Variants in DOCK10 observed in about 807,000 individuals in gnomAD.
DOCK10 encodes dedicator of cytokinesis 10.
DOCK10 carries 145 observed loss-of-function variants against 280.1 expected under a neutral mutation model. The ratio of observed to expected loss-of-function variants is 0.52; its 90% CI spans 0.45 to 0.59. DOCK10 has a LOEUF of 0.59. Among genes scored for constraint, DOCK10 ranks in the 20% least tolerant of loss-of-function variants. The pLI is 0.00. For synonymous variants in DOCK10, 915 were observed against 942.2 expected (o/e 0.97, Z 0.53); for missense variants, 2,368 against 2,651.7 (o/e 0.89, Z 2.35).
chr2:224,958,758 T>C (rs896304454), intron 1 of DOCK10, among the ~76,000 whole-genome samples: 5 of 152,202 alleles, frequency 3.3e-5, no homozygotes, highest in African/African-American at 1.2e-4. Flanking sequence ...CAGTATCCTC[T>C]TTATGTTTCA....
At chr2:224,923,729 C>T (rs1260044995) in intron 2 of DOCK10, among the ~76,000 whole-genome samples, 1 of 152,260 alleles carries the variant, frequency 6.6e-6, no homozygotes, top group Non-Finnish European at 1.5e-5. Context: ...GCCCATGCTC[C>T]TCTGCCTCTC....
intron 1 of DOCK10, among the ~76,000 whole-genome samples, chr2:224,995,881 A>C (rs1278586663): frequency 6.6e-6 from 1 of 152,196 alleles, no homozygotes; most frequent in East Asian, 1.9e-4. Flanking sequence ...GATACTATGG[A>C]TATCCAAACT....
At chr2:224,957,628 A>G (rs1275705373) in intron 1 of DOCK10, among the ~76,000 whole-genome samples, 4 of 152,176 alleles carry the variant, frequency 2.6e-5, no homozygotes, top group Non-Finnish European at 5.9e-5. Flanking sequence ...ATCTCCTGGC[A>G]GATGGTGGAG....
At chr2:224,909,773 C>T (rs1700895925) in intron 3 of DOCK10, among the ~76,000 whole-genome samples, 1 of 35,694 alleles carries the variant, frequency 2.8e-5, no homozygotes. Context: ...CAACTGTGTA[C>T]TCAACTAGAG....
At chr2:225,007,337 T>C (rs573282848) in intron 1 of DOCK10, among the ~76,000 whole-genome samples, 2 of 152,276 alleles carry the variant, frequency 1.3e-5, no homozygotes, top group South Asian at 4.1e-4. Flanking sequence ...TTAAATTAGA[T>C]GCATGCATAA....
chr2:224,851,453 T>TA (rs1258315711), intron 18 of DOCK10, among the ~76,000 whole-genome samples: 1 of 142,970 alleles, frequency 7.0e-6, no homozygotes, highest in Non-Finnish European at 1.5e-5. Context: ...CCTTCTTTTT[T>TA]TTTTTAAAAA....
intron 48 of DOCK10, among the ~76,000 whole-genome samples, chr2:224,788,211 T>C (rs1691874488): frequency 6.6e-6 from 1 of 152,186 alleles, no homozygotes; most frequent in Non-Finnish European, 1.5e-5. Context: ...CTCAAGATCC[T>C]AAATTCTTTG....
intron 47 of DOCK10, among the ~76,000 whole-genome samples, chr2:224,790,056 C>T (rs562939951): frequency 6.6e-6 from 1 of 152,346 alleles, no homozygotes; most frequent in East Asian, 1.9e-4. Flanking sequence ...GTTGGGATTA[C>T]AGGCGTGAGC....
Position 224,770,792 on chromosome 2 carries a change from G to C in DOCK10, c.6205-147C>G. Reference sequence around the variant, plus strand: ...TCCACTCATTTGTATACCTGACTTAGCTGCTGTCCTCCAACTTGTCAATAG... The same window carrying C: ...TCCACTCATTTGTATACCTGACTTACCTGCTGTCCTCCAACTTGTCAATAG... On this transcript the variant is annotated intron_variant, in intron 53 of 55. Coordinates refer to ENST00000258390, the MANE Select transcript of DOCK10 (RefSeq NM_014689.3). The surrounding 1 kb of genome is among the most constrained non-coding windows in gnomAD (Gnocchi z 4.5). 1 of 618,294 alleles carries C rather than the reference G, an allele frequency of 1.6e-6. No individual in the cohort carries two copies. Among genetic ancestry groups the C allele is most frequent in the East Asian group, 2.8e-5 (1 of 36,278 alleles). 38.3% of individuals were successfully genotyped at this position (618,294 alleles called of 1,614,324 possible).
chr2:225,028,726 G>A (rs1017555870), intron 1 of DOCK10, among the ~76,000 whole-genome samples: 1 of 152,140 alleles, frequency 6.6e-6, no homozygotes, highest in Admixed American at 6.5e-5. Context: ...GTCAGCTTAC[G>A]AAAACAGCTC....
At chr2:225,017,429 TGAGAGAGA>T (rs71062970) in intron 1 of DOCK10, among the ~76,000 whole-genome samples, 6 of 147,164 alleles carry the variant, frequency 4.1e-5, no homozygotes, top group Non-Finnish European at 7.5e-5. Context: ...AGACAGAGAT[TGAGAGAGA>T]GAGAGAGAGA....
At chr2:224,801,282 C>CA (rs3083075) in intron 40 of DOCK10, among the ~76,000 whole-genome samples, 6,203 of 74,476 alleles carry the variant, frequency 0.083, 416 homozygotes, top group South Asian at 0.11. Context: ...CAAGACATGG[C>CA]AAAAAAAAAA....
chr2:225,029,970 C>T (rs569347852), intron 1 of DOCK10, among the ~76,000 whole-genome samples: 1 of 151,378 alleles, frequency 6.6e-6, no homozygotes, highest in South Asian at 2.1e-4. Flanking sequence ...ATGGCGAAAC[C>T]CCATCAATAT....
At chr2:224,961,061 G>A (rs1022556276) in intron 1 of DOCK10, among the ~76,000 whole-genome samples, 1 of 152,160 alleles carries the variant, frequency 6.6e-6, no homozygotes, top group African/African-American at 2.4e-5. Flanking sequence ...TCTAATGATT[G>A]TATATTTTCT....
rs1691757132 is a variant in DOCK10, at chr2:224,786,741, T to A, written c.5655+281A>T. On this transcript the variant is annotated intron_variant, in intron 50 of 55. Coordinates refer to ENST00000258390, the MANE Select transcript of DOCK10 (RefSeq NM_014689.3). The surrounding 1 kb of genome is among the most constrained non-coding windows in gnomAD (Gnocchi z 4.7). ...TATAATTAGATATTTTAGGGTGAGC[T>A]GGAAAGAAGAGAGTGTTGAAAAATA... Among the ~76,000 whole-genome samples, 1 of 152,234 alleles carries A rather than the reference T, an allele frequency of 6.6e-6. No homozygotes were observed. The highest frequency in any genetic ancestry group is 1.5e-5 in the Non-Finnish European group (1 of 68,040).
intron 41 of DOCK10, among the ~76,000 whole-genome samples, chr2:224,798,962 G>A (rs185747504): frequency 8.3e-4 from 126 of 152,178 alleles, no homozygotes; most frequent in African/African-American, 3.0e-3. Flanking sequence ...ACTAGCCTAG[G>A]TGTTTAAGCT....
chr2:224,786,666 T>C lies in DOCK10; in HGVS notation c.5655+356A>G, dbSNP rs1054259959. Reference sequence around the variant, plus strand: ...ATTTCCTAGAATATTAGGAATGTTATTTCTTAAAACATATTCAATTTAATT... The same window carrying C: ...ATTTCCTAGAATATTAGGAATGTTACTTCTTAAAACATATTCAATTTAATT... On this transcript the variant is annotated intron_variant, in intron 50 of 55. Coordinates refer to ENST00000258390, the MANE Select transcript of DOCK10 (RefSeq NM_014689.3). This position sits in a 1 kb window ranked among gnomAD's most constrained non-coding sequence, Gnocchi z 4.7. Among the ~76,000 whole-genome samples the C allele has an allele frequency of 6.6e-6, 1 of 152,258 alleles. No homozygotes were observed. Among genetic ancestry groups the C allele is most frequent in the African/African-American group, 2.4e-5 (1 of 41,464 alleles).
chr2:225,026,138 C>T (rs1392249167), intron 1 of DOCK10, among the ~76,000 whole-genome samples: 2 of 152,004 alleles, frequency 1.3e-5, no homozygotes, highest in South Asian at 2.1e-4. Flanking sequence ...TGAGTGGCAT[C>T]CTTGGGTAAT....
chr2:224,849,497 T>G lies in DOCK10; in HGVS notation c.2235+10A>C, dbSNP rs1406305000. 1 of 1,600,792 alleles carries G rather than the reference T, an allele frequency of 6.2e-7. No individual in the cohort carries two copies. The highest frequency in any genetic ancestry group is 1.1e-5 in the South Asian group (1 of 88,802). ...GGAACCGCTGGGGGCAGTGGAGGGC[T>G]AGCTCTTACCTCATCTGAGAAATCC... is the stretch of plus-strand genomic sequence containing the variant. On this transcript the variant is annotated intron_variant, in intron 19 of 55. Coordinates refer to ENST00000258390, the MANE Select transcript of DOCK10 (RefSeq NM_014689.3).
Sources: gnomAD v4.1 joint callset for allele counts (sites outside exome capture counted in the v4.1 genomes callset) on GRCh38, gnomAD v4.1.1 for gene constraint, Gnocchi (gnomAD v3.1) non-coding constraint, MANE v1.5 for transcripts, NCBI Gene and HGNC (gene_info 2026-07-23, HGNC 2026-07-21) for gene names.